Variants in LRP1B observed in about 807,000 individuals in gnomAD.
The protein encoded by LRP1B is LDL receptor related protein 1B.
In LRP1B, 217 loss-of-function variants were observed where a neutral mutation model predicts 556.6. The observed-to-expected ratio is 0.39, with a 90% CI of 0.35 to 0.44. The LOEUF (loss-of-function observed/expected upper bound fraction) is 0.44. LRP1B is among the 20% of genes least tolerant of loss of function. The probability of loss-of-function intolerance (pLI) is 1.00; values close to 1 mark genes in which losing one functional copy is unlikely to be tolerated. For missense variants in LRP1B, 5,053 were observed against 5,620.8 expected (o/e 0.90, Z 3.23); for synonymous variants, 2,047 against 1,865.8 (o/e 1.10, Z -2.50).
At chr2:141,546,233 G>C (rs1685547911) in intron 2 of LRP1B, among the ~76,000 whole-genome samples, 2 of 152,084 alleles carry the variant, frequency 1.3e-5, no homozygotes, top group African/African-American at 4.8e-5. Context: ...GACTCACTCA[G>C]TTAACCTCAC....
intron 29 of LRP1B, among the ~76,000 whole-genome samples, chr2:140,841,445 C>G (rs1573790799): frequency 1.3e-5 from 2 of 152,258 alleles, no homozygotes; most frequent in East Asian, 3.9e-4. Context: ...GATAGCACAT[C>G]TTTCTAGTTA....
chr2:140,333,526 A>G (rs1382915942), intron 79 of LRP1B, among the ~76,000 whole-genome samples: 1 of 152,098 alleles, frequency 6.6e-6, no homozygotes, highest in Non-Finnish European at 1.5e-5. Flanking sequence ...TTCTCCCCAT[A>G]AAGAGTAAAA....
intron 5 of LRP1B, among the ~76,000 whole-genome samples, chr2:141,235,324 C>T (rs1280913010): frequency 6.6e-6 from 1 of 151,662 alleles, no homozygotes; most frequent in East Asian, 1.9e-4. Flanking sequence ...AGACAGTCCG[C>T]CTTCAAGAAC....
At chr2:141,671,976 C>G (rs151250900) in intron 2 of LRP1B, among the ~76,000 whole-genome samples, 1 of 152,058 alleles carries the variant, frequency 6.6e-6, no homozygotes, top group East Asian at 1.9e-4. Context: ...ACAAAACACT[C>G]TCTATATCCA....
At chr2:141,961,267 C>T (rs987537883) in intron 1 of LRP1B, among the ~76,000 whole-genome samples, 8 of 151,674 alleles carry the variant, frequency 5.3e-5, no homozygotes, top group African/African-American at 1.9e-4. Flanking sequence ...GGATCCTGCT[C>T]TTTGACACTT....
rs547369134 is a variant in LRP1B at position 140,998,642 on chromosome 2, C to T, written c.2504-4507G>A. On this transcript the variant is annotated intron_variant, in intron 15 of 90. Transcript: ENST00000389484. ...ACTCTCATTCTTGATTCCTTCCAAG[C>T]ATGGCATTAGAATTCATCCTTAATC... Among the ~76,000 whole-genome samples, 93 of 152,142 alleles carry T rather than the reference C, an allele frequency of 6.1e-4. No individual in the cohort carries two copies. In the South Asian group the frequency reaches 8.7e-3, roughly 14 times the overall value.
In LRP1B at chr2:141,059,073, A is replaced by G. The variant is rs1314530847; in HGVS notation, c.1237-19T>C. ...GTCTAACCTATAAAGAGGGCAAAAC[A>G]TAACTATGATTTTTAATTATGTAGC... is the stretch of plus-strand genomic sequence containing the variant. On this transcript the variant is annotated intron_variant, in intron 8 of 90. Transcript: ENST00000389484. The G allele has an allele frequency of 1.1e-5, 15 of 1,399,144 alleles. No individual in the cohort carries two copies. In the Admixed American group the frequency reaches 3.1e-4, roughly 29 times the overall value. 86.7% of individuals were successfully genotyped at this position (1,399,144 alleles called of 1,614,324 possible).
At chr2:141,660,271 C>T (rs550529898) in intron 2 of LRP1B, among the ~76,000 whole-genome samples, 1 of 152,158 alleles carries the variant, frequency 6.6e-6, no homozygotes, top group African/African-American at 2.4e-5. Flanking sequence ...AGTGACCATG[C>T]TACCCTGCCC....
At chr2:140,234,446 G>C (rs993890454) in intron 90 of LRP1B, among the ~76,000 whole-genome samples, 1 of 151,190 alleles carries the variant, frequency 6.6e-6, no homozygotes, top group Non-Finnish European at 1.5e-5. Context: ...ACCACTATGA[G>C]AGGAAATGAA....
At chr2:140,655,922 G>A (rs112947601) in intron 41 of LRP1B, among the ~76,000 whole-genome samples, 5,313 of 148,310 alleles carry the variant, frequency 0.036, 143 homozygotes, top group African/African-American at 0.07. Flanking sequence ...CAGCCTGGGA[G>A]ACAGGGTGAG....
chr2:141,423,014 C>A lies in LRP1B; in HGVS notation c.343+57382G>T, dbSNP rs74642744. Among the ~76,000 whole-genome samples the A allele has an allele frequency of 1.8e-3, 273 of 152,148 alleles. 2 individuals carry two copies. Among genetic ancestry groups the A allele is most frequent in the African/African-American group, 6.5e-3 (270 of 41,526 alleles). On this transcript the variant is annotated intron_variant, in intron 3 of 90. Transcript: ENST00000389484. ...AAATGATATTATTCTTCTAGATTAC[C>A]TTTTTTTATGACAGGAAATACGAAA...
intron 41 of LRP1B, among the ~76,000 whole-genome samples, chr2:140,603,685 C>T (rs538734277): frequency 6.6e-6 from 1 of 152,152 alleles, no homozygotes; most frequent in South Asian, 2.1e-4. Flanking sequence ...TACTAGAGAA[C>T]ATAATACATC....
At chr2:141,067,603 G>A (rs764241172) in intron 7 of LRP1B, among the ~76,000 whole-genome samples, 9 of 151,960 alleles carry the variant, frequency 5.9e-5, no homozygotes, top group African/African-American at 9.7e-5. Context: ...CTCGTTGAAC[G>A]TCCTTATTTA....
chr2:140,770,063 A>G (rs909817900), intron 34 of LRP1B, among the ~76,000 whole-genome samples: 1 of 151,874 alleles, frequency 6.6e-6, no homozygotes, highest in African/African-American at 2.4e-5. Context: ...AATGCCTAGA[A>G]TTAAATCTGT....
intron 1 of LRP1B, among the ~76,000 whole-genome samples, chr2:141,842,075 T>C (rs1305687408): frequency 6.6e-6 from 1 of 152,114 alleles, no homozygotes; most frequent in Non-Finnish European, 1.5e-5. Context: ...TTTAATGCCA[T>C]GTGTAAGAGT....
intron 1 of LRP1B, among the ~76,000 whole-genome samples, chr2:141,834,673 C>T (rs1035414430): frequency 4.6e-5 from 7 of 151,862 alleles, no homozygotes; most frequent in African/African-American, 1.7e-4. Flanking sequence ...TGGACAGGGC[C>T]ACTATGGTGC....
At chr2:140,934,291 C>T (rs1178684177) in intron 20 of LRP1B, among the ~76,000 whole-genome samples, 1 of 152,042 alleles carries the variant, frequency 6.6e-6, no homozygotes, top group African/African-American at 2.4e-5. Context: ...GCTTTACTCT[C>T]AATAAAATTT....
At chr2:141,771,464 T>C (rs986058355) in intron 2 of LRP1B, among the ~76,000 whole-genome samples, 1 of 152,216 alleles carries the variant, frequency 6.6e-6, no homozygotes. Context: ...CATAAAACTC[T>C]TATTCCTAAG....
chr2:141,146,364 T>C (rs1701785590), intron 7 of LRP1B, among the ~76,000 whole-genome samples: 1 of 152,222 alleles, frequency 6.6e-6, no homozygotes, highest in South Asian at 2.1e-4. Flanking sequence ...GAGGGAAATC[T>C]GTTTTCTTAA....
Sources: gnomAD v4.1 joint callset for allele counts (sites outside exome capture counted in the v4.1 genomes callset) on GRCh38, gnomAD v4.1.1 for gene constraint, MANE v1.5 for transcripts, NCBI Gene and HGNC (gene_info 2026-07-23, HGNC 2026-07-21) for gene names.